Variants in TANGO6 observed in about 807,000 individuals in gnomAD.
TANGO6 encodes the protein transport and golgi organization 6 homolog.
In TANGO6, 90 loss-of-function variants were observed where a neutral mutation model predicts 114.2. That is an observed-to-expected ratio of 0.79 (90% confidence interval 0.66 to 0.94). The LOEUF (loss-of-function observed/expected upper bound fraction) is 0.94. Among genes scored for constraint, TANGO6 ranks in the 40% least tolerant of loss-of-function variants. The probability of loss-of-function intolerance (pLI) is 0.00; values close to 1 mark genes in which losing one functional copy is unlikely to be tolerated. For missense variants in TANGO6, 1,274 were observed against 1,315.3 expected, an observed-to-expected ratio of 0.97 and a Z score of 0.49; for synonymous variants, 477 against 509.8, an observed-to-expected ratio of 0.94 and a Z score of 0.87.
At position 68,907,539 on chromosome 16, in the gene TANGO6, C is replaced by T. The variant is rs746886485; in HGVS notation, c.1764C>T (p.Cys588=). The part of the protein sequence containing the change: ...LGDLLSHCQE[C]GLAGDFFIFC... ...ACTTGCTGTCCCACTGCCAGGAATG[C>T]GGTTTGGCAGGAGACTTCTTCATCT... Residue 588 remains cysteine (C), a synonymous_variant, in exon 10 of 18, where the codon TGC becomes TGT. Transcript: ENST00000261778. 4.5e-5 allele frequency: 72 copies of T among 1,613,302 alleles called. No homozygotes were observed. The Middle Eastern group carries it at 3.6e-3, about 81-fold the overall frequency.
chr16:68,852,332 A>G (rs1961915148), intron 1 of TANGO6, among the ~76,000 whole-genome samples: 2 of 152,174 alleles, frequency 1.3e-5, no homozygotes, highest in Admixed American at 6.6e-5. Context: ...CTAATTTTAC[A>G]CTATTATAAA....
Position 68,927,927 on chromosome 16 carries a change from G to C in TANGO6, c.2487G>C (p.Gln829His), listed in dbSNP as rs747939298. The change falls in exon 13 of 18, where the codon CAG (glutamine) becomes CAC (histidine). Residue 829 changes from glutamine to histidine, a missense_variant. This residue lies in a region of TANGO6 where 908 missense variants were observed against 910.2 expected (regional missense o/e 1.00). Coordinates refer to ENST00000261778, the MANE Select transcript of TANGO6 (RefSeq NM_024562.2). ...GVNEPSTTTS[Q>H]KSGSVTTEQL... ...ATGAGCCCAGCACTACTACAAGTCAGAAATCTGGAAGCGTAACCACAGAAC... is the reference window on the plus strand; with the variant it reads ...ATGAGCCCAGCACTACTACAAGTCACAAATCTGGAAGCGTAACCACAGAAC... 6.2e-7 allele frequency: 1 copy of C among 1,613,920 alleles called. No individual in the cohort carries two copies. The highest frequency in any genetic ancestry group is 2.2e-5 in the East Asian group (1 of 44,892).
intron 7 of TANGO6, among the ~76,000 whole-genome samples, chr16:68,892,393 A>C (rs976988543): frequency 1.3e-5 from 2 of 152,156 alleles, no homozygotes; most frequent in Non-Finnish European, 2.9e-5. Context: ...TGTTGGTACC[A>C]GTCTGTATCC....
In TANGO6 at chr16:68,927,360, G is replaced by T. The variant is rs543813782; in HGVS notation, c.2128-208G>T. 7.1e-4 allele frequency among the ~76,000 whole-genome samples: 108 copies of T among 152,202 alleles called. 1 individual carries two copies. Among genetic ancestry groups the T allele is most frequent in the Non-Finnish European group, 1.3e-3 (91 of 68,000 alleles). ...TGTGTGTGTGTTTTATCTTAGAAAA[G>T]AACCTGTATATGATAAGTGTTCAAT... On this transcript the variant is annotated intron_variant, in intron 12 of 17. Transcript: ENST00000261778.
At chr16:69,080,376 C>T (rs577973445) in intron 17 of TANGO6, among the ~76,000 whole-genome samples, 3 of 152,096 alleles carry the variant, frequency 2.0e-5, no homozygotes, top group Non-Finnish European at 4.4e-5. Context: ...CAAGACCAGC[C>T]TGGGCAACAT....
At chr16:68,944,301 A>G (rs1963390554) in intron 14 of TANGO6, among the ~76,000 whole-genome samples, 1 of 152,224 alleles carries the variant, frequency 6.6e-6, no homozygotes, top group Non-Finnish European at 1.5e-5. Context: ...AGTGTTGAAT[A>G]TGCAAAAGCC....
At chr16:69,047,944 C>G (rs1959888548) in intron 17 of TANGO6, among the ~76,000 whole-genome samples, 1 of 152,148 alleles carries the variant, frequency 6.6e-6, no homozygotes, top group Non-Finnish European at 1.5e-5. Flanking sequence ...AATCTATTCT[C>G]TATCTGTTTT....
At chr16:68,994,462 CCCTA>C (rs1156395361) in intron 15 of TANGO6, among the ~76,000 whole-genome samples, 2 of 152,110 alleles carry the variant, frequency 1.3e-5, no homozygotes, top group East Asian at 3.9e-4. Context: ...TCAGACATTG[CCCTA>C]CCTTCAAATC....
At chr16:69,066,530 A>G (rs1960215573) in intron 17 of TANGO6, among the ~76,000 whole-genome samples, 1 of 151,866 alleles carries the variant, frequency 6.6e-6, no homozygotes, top group Non-Finnish European at 1.5e-5. Context: ...CTCCTGACCT[A>G]AAGTGATCTG....
chr16:68,969,302 C>T (rs9926496), intron 14 of TANGO6, among the ~76,000 whole-genome samples: 13,242 of 152,082 alleles, frequency 0.087, 664 homozygotes, highest in African/African-American at 0.13. Flanking sequence ...AGGTTATGGC[C>T]GTGCTTCCAC....
At chr16:68,988,510 C>T (rs1027871195) in intron 15 of TANGO6, among the ~76,000 whole-genome samples, 2 of 152,094 alleles carry the variant, frequency 1.3e-5, no homozygotes, top group African/African-American at 2.4e-5. Flanking sequence ...TTTTATGAAG[C>T]CCATTTTATA....
Position 68,927,596 on chromosome 16 carries a change from A to G in TANGO6, c.2156A>G (p.Lys719Arg). ...QLKSSDFAVL[K>R]QLLPLLEKVS... ...AAGTCAAGTGATTTTGCTGTTCTGA[A>G]GCAGTTGTTGCCTCTGTTGGAGAAG... Residue 719 changes from lysine to arginine, a missense_variant, in exon 13 of 18, where the codon AAG becomes AGG. Physicochemically the swap from Lys to Arg is conservative, Grantham distance 26 (BLOSUM62 2). This residue lies in a region of TANGO6 where 908 missense variants were observed against 910.2 expected (regional missense o/e 1.00). Transcript: ENST00000261778. The G allele has an allele frequency of 6.2e-7, 1 of 1,613,702 alleles. No individual in the cohort carries two copies. The highest frequency in any genetic ancestry group is 8.5e-7 in the Non-Finnish European group (1 of 1,179,682).
chr16:68,929,994 T>A (rs180703518), intron 13 of TANGO6, among the ~76,000 whole-genome samples: 2 of 152,320 alleles, frequency 1.3e-5, no homozygotes, highest in East Asian at 3.9e-4. Context: ...TGTTCTTCCA[T>A]CGGTTTCCAG....
intron 14 of TANGO6, among the ~76,000 whole-genome samples, chr16:68,932,147 A>G (rs370264838): frequency 1.3e-5 from 2 of 148,632 alleles, no homozygotes; most frequent in African/African-American, 5.0e-5. Flanking sequence ...CTGGAGTGCA[A>G]TGGCACAATC....
At chr16:69,003,129 T>TC (rs376062109) in intron 15 of TANGO6, among the ~76,000 whole-genome samples, 3 of 151,802 alleles carry the variant, frequency 2.0e-5, no homozygotes, top group East Asian at 3.8e-4. Flanking sequence ...AGCCCTTTTT[T>TC]CCCCCCTCAA....
chr16:68,953,892 C>G (rs1011374077), intron 14 of TANGO6, among the ~76,000 whole-genome samples: 6 of 151,938 alleles, frequency 3.9e-5, no homozygotes, highest in Non-Finnish European at 7.4e-5. Context: ...AGCAAGGGAA[C>G]GAGGCAGTAA....
intron 16 of TANGO6, among the ~76,000 whole-genome samples, chr16:69,033,118 G>A (rs546099945): frequency 6.1e-5 from 9 of 148,686 alleles, no homozygotes; most frequent in East Asian, 4.0e-4. Context: ...CCCAGGAGGC[G>A]GAGGTTGCAG....
intron 17 of TANGO6, among the ~76,000 whole-genome samples, chr16:69,059,746 CT>C (rs1434923108): frequency 2.0e-5 from 3 of 152,146 alleles, no homozygotes; most frequent in Admixed American, 6.5e-5. Context: ...CTTTTCTACT[CT>C]TTAATTCTCC....
In TANGO6 at chr16:69,005,162, A is replaced by G. The variant is rs1427074520; in HGVS notation, c.2843-17666A>G. On this transcript the variant is annotated intron_variant, in intron 15 of 17. Transcript: ENST00000261778. ...ACATGACTCTGGCATCCCAGGATCA[A>G]CACAGTGGGGGACCACTCACAACCA... 3.3e-5 allele frequency among the ~76,000 whole-genome samples: 5 copies of G among 152,340 alleles called. No homozygotes were observed. The East Asian group carries it at 9.6e-4, about 29-fold the overall frequency.
Sources: gnomAD v4.1 joint callset for allele counts (sites outside exome capture counted in the v4.1 genomes callset) on GRCh38, gnomAD v4.1.1 for gene constraint, gnomAD v4.1.1 regional missense constraint, MANE v1.5 for transcripts, NCBI Gene and HGNC (gene_info 2026-07-23, HGNC 2026-07-21) for gene names.